NADK: variants seen among roughly 807,000 people sequenced by gnomAD.
NADK encodes poly(P)/ATP NAD kinase.
NADK carries 22 observed loss-of-function variants against 49.8 expected under a neutral mutation model. That is an observed-to-expected ratio of 0.44 (90% CI 0.32 to 0.63). The LOEUF (loss-of-function observed/expected upper bound fraction) is 0.63. NADK is among the 30% of genes least tolerant of loss of function. NADK has a pLI of 0.06. For synonymous variants in NADK, 268 were observed against 253.7 expected, an observed-to-expected ratio of 1.06 and a Z score of -0.54; for missense variants, 438 against 609.4, an observed-to-expected ratio of 0.72 and a Z score of 2.96.
At position 1,759,884 on chromosome 1, in the gene NADK, G is replaced by A. The variant is rs931785698; in HGVS notation, c.263+2068C>T. The A allele has an allele frequency of 1.7e-5, 26 of 1,550,570 alleles. No individual in the cohort carries two copies. The African/African-American group carries it at 1.8e-4, about 11-fold the overall frequency. Reference sequence around the variant, plus strand: ...CTGGTGAAGGCAGCAGCTGAGATGCGAGTGACAAAGGAGTGGCTCTGCCAG... The same window carrying A: ...CTGGTGAAGGCAGCAGCTGAGATGCAAGTGACAAAGGAGTGGCTCTGCCAG... On this transcript the variant is annotated intron_variant, in intron 3 of 11. Coordinates refer to ENST00000341426, the MANE Select transcript of NADK (RefSeq NM_023018.5).
intron 1 of NADK, among the ~76,000 whole-genome samples, chr1:1,775,045 G>C (rs1646172378): frequency 6.6e-6 from 1 of 152,080 alleles, no homozygotes; most frequent in South Asian, 2.1e-4. Context: ...GGCGGCAGAG[G>C]TTGCAGTGAG....
At chr1:1,762,759 AAATGAATG>A (rs145189624) in intron 2 of NADK, among the ~76,000 whole-genome samples, 15 of 148,992 alleles carry the variant, frequency 1.0e-4, no homozygotes, top group South Asian at 2.1e-4. Flanking sequence ...CTCTGTCTCA[AAATGAATG>A]AATGAATGAA....
chr1:1,755,775 C>A (rs951311665), intron 6 of NADK, among the ~76,000 whole-genome samples: 1 of 152,074 alleles, frequency 6.6e-6, no homozygotes, highest in Non-Finnish European at 1.5e-5. Context: ...GCCTTGGGGT[C>A]GGAGCCTCGC....
intron 3 of NADK, among the ~76,000 whole-genome samples, chr1:1,757,994 G>GGT (rs1645584222): frequency 6.6e-6 from 1 of 152,168 alleles, no homozygotes; most frequent in African/African-American, 2.4e-5. Context: ...GGCCCACCCC[G>GGT]GTGGGATTCC....
chr1:1,768,795 G>A (rs543215583), intron 1 of NADK, among the ~76,000 whole-genome samples: 1 of 152,164 alleles, frequency 6.6e-6, no homozygotes, highest in African/African-American at 2.4e-5. Flanking sequence ...TGTTACAGCA[G>A]CCTAAATAAA....
In NADK at chr1:1,760,404, G is replaced by A. The variant is rs1233035027; in HGVS notation, c.263+1548C>T. Among the ~76,000 whole-genome samples, 3 of 152,218 alleles carry A rather than the reference G, an allele frequency of 2.0e-5. No homozygotes were observed. The East Asian group carries it at 5.8e-4, about 29-fold the overall frequency. ...GCTGCCGCGGGGCCCACACTTTGCA[G>A]AGCAGCTCCTCGGATGACTCCCCCG... On this transcript the variant is annotated intron_variant, in intron 3 of 11. Transcript: ENST00000341426.
At chr1:1,760,082 C>T (rs1010884383) in intron 3 of NADK, among the ~76,000 whole-genome samples, 13 of 152,150 alleles carry the variant, frequency 8.5e-5, no homozygotes, top group African/African-American at 1.2e-4. Flanking sequence ...GAGGCCGCGG[C>T]GAGTGGTCAG....
chr1:1,758,310 G>C, intron 3 of NADK: 1 of 1,545,908 alleles, frequency 6.5e-7, no homozygotes, highest in Admixed American at 1.8e-5. Flanking sequence ...GGCAGCCACA[G>C]GGCCACAGAC....
rs866885519 is a variant in NADK, at chr1:1,770,645, T to A, written c.-40-5199A>T. Among the ~76,000 whole-genome samples, 23 of 152,122 alleles carry A rather than the reference T, an allele frequency of 1.5e-4. 1 individual carries two copies. The Middle Eastern group carries it at 0.017, about 112-fold the overall frequency. Reference sequence around the variant, plus strand: ...TACTCAAGAGGCTGAGGCAGGAGAATGGTGTGAACCCAGGAGGCAGAGCTT... The same window carrying A: ...TACTCAAGAGGCTGAGGCAGGAGAAAGGTGTGAACCCAGGAGGCAGAGCTT... On this transcript the variant is annotated intron_variant, in intron 1 of 11. Coordinates refer to ENST00000341426, the MANE Select transcript of NADK (RefSeq NM_023018.5).
At chr1:1,780,346 C>T (rs1320609414), upstream of NADK, 1 of 152,260 alleles carries the variant, frequency 6.6e-6, no homozygotes, top group African/African-American at 2.4e-5. Flanking sequence ...TCAACTGCTT[C>T]TGCAGAGGCA....
chr1:1,772,750 A>G (rs867611297), intron 1 of NADK, among the ~76,000 whole-genome samples: 2 of 150,206 alleles, frequency 1.3e-5, no homozygotes, highest in Non-Finnish European at 3.0e-5. Context: ...GTAAGATGTT[A>G]ACACAAGGGC....
intron 11 of NADK, among the ~76,000 whole-genome samples, 194 bp from the exon 12 acceptor site, chr1:1,753,254 G>A (rs1343754363): frequency 2.0e-5 from 3 of 152,168 alleles, no homozygotes; most frequent in Non-Finnish European, 2.9e-5. Context: ...TGGAGGGGAC[G>A]GTGCAGGGAA....
rs1645345902 is a variant in NADK at position 1,752,170 on chromosome 1, G to A, written c.*734C>T. 6.6e-6 allele frequency: 1 copy of A among 152,622 alleles called. No individual in the cohort carries two copies. Among genetic ancestry groups the A allele is most frequent in the African/African-American group, 2.4e-5 (1 of 41,450 alleles). 9.5% of individuals were successfully genotyped at this position (152,622 alleles called of 1,614,324 possible). A position where few individuals can be genotyped will look rare whatever the true frequency, so the allele number is the denominator to read the frequency against. ...TCTTCACAAAAGTGTGTACGAGAAA[G>A]TATGTACATCAGCACTTCAGAAAGT... On this transcript the variant is annotated 3_prime_UTR_variant, in exon 12 of 12. Transcript: ENST00000341426.
chr1:1,754,109 A>G lies in NADK; in HGVS notation c.1043T>C (p.Ile348Thr). 4 of 1,609,060 alleles carry G rather than the reference A, an allele frequency of 2.5e-6. No individual in the cohort carries two copies. Among genetic ancestry groups the G allele is most frequent in the Non-Finnish European group, 3.4e-6 (4 of 1,177,670 alleles). ...CCGGAAGGACAGCGAGTGGGGGCAG[A>G]TGGGCGTGATCATGATGGCCGGCAC... is the stretch of plus-strand genomic sequence containing the variant. Reference protein sequence around the residue: ...PNVPAIMITPICPHSLSFRPI... With the variant: ...PNVPAIMITPTCPHSLSFRPI... The change falls in exon 10 of 12, where the codon ATC becomes ACC. Residue 348 changes from isoleucine (I) to threonine (T), a missense_variant. Transcript: ENST00000341426. This position sits in a 1 kb window ranked among gnomAD's most constrained non-coding sequence, Gnocchi z 4.3.
At chr1:1,768,413 G>A (rs1645950273) in intron 1 of NADK, among the ~76,000 whole-genome samples, 1 of 152,082 alleles carries the variant, frequency 6.6e-6, no homozygotes, top group African/African-American at 2.4e-5. Context: ...AAAAACAGTT[G>A]GACACAGTGG....
rs1646274802 is a variant in NADK at position 1,778,334 on chromosome 1, G to A, written c.-86C>T. 1.3e-5 allele frequency: 2 copies of A among 151,068 alleles called. No individual in the cohort carries two copies. The highest frequency in any genetic ancestry group is 1.3e-4 in the Admixed American group (2 of 15,146). The allele number at this position is 151,068 out of a possible 1,614,324, so 9.4% of individuals were successfully genotyped here. A position where few individuals can be genotyped will look rare whatever the true frequency, so the allele number is the denominator to read the frequency against. On this transcript the variant is annotated 5_prime_UTR_variant, in exon 1 of 12. Transcript: ENST00000341426. The surrounding 1 kb of genome is among the most constrained non-coding windows in gnomAD (Gnocchi z 4.9). ...TGCGGGGGCGTCTACATGCCGGACC[G>A]AGCCCGCAGGCCCCGCCGCCGCGCC...
At chr1:1,773,306 AT>A (rs1290278785) in intron 1 of NADK, among the ~76,000 whole-genome samples, 2 of 148,956 alleles carry the variant, frequency 1.3e-5, no homozygotes, top group African/African-American at 2.4e-5. Flanking sequence ...CACCCGGCTA[AT>A]TTTTGTATTT....
chr1:1,774,829 C>A lies in NADK; in HGVS notation c.-41+3460G>T, dbSNP rs575548507. Among the ~76,000 whole-genome samples, 18 of 150,822 alleles carry A rather than the reference C, an allele frequency of 1.2e-4. 1 individual carries two copies. The highest frequency in any genetic ancestry group is 4.1e-4 in the African/African-American group (17 of 41,194). On this transcript the variant is annotated intron_variant, in intron 1 of 11. Coordinates refer to ENST00000341426, the MANE Select transcript of NADK (RefSeq NM_023018.5). The stretch of plus-strand genomic sequence containing the variant: ...CTAATTTTAAAAAACCTTTGTAGGG[C>A]GGGCATGGTGGCTCACGACTGTAAT...
In NADK at chr1:1,754,521, G is replaced by A. The variant is rs907056680; in HGVS notation, c.843+23C>T. ...GTCGCCCCACCCTGGGCCCCTCACC[G>A]AGGCCGAGGCGCCTCCACTCACCTG... On this transcript the variant is annotated intron_variant, in intron 8 of 11. Transcript: ENST00000341426. This position sits in a 1 kb window ranked among gnomAD's most constrained non-coding sequence, Gnocchi z 4.3. The A allele has an allele frequency of 6.9e-6, 11 of 1,599,346 alleles. No homozygotes were observed. Among genetic ancestry groups the A allele is most frequent in the South Asian group, 1.1e-5 (1 of 89,614 alleles).
Sources: allele counts gnomAD v4.1 joint callset (sites outside exome capture counted in the v4.1 genomes callset), GRCh38; gene constraint gnomAD v4.1.1; non-coding constraint Gnocchi (gnomAD v3.1); transcripts MANE v1.5; gene names NCBI Gene and HGNC (gene_info 2026-07-23, HGNC 2026-07-21).